NDUFAF6: variants seen among roughly 807,000 people sequenced by gnomAD.
The protein encoded by NDUFAF6 is NADH:ubiquinone oxidoreductase complex assembly factor 6.
A neutral mutation model predicts 40.8 loss-of-function variants in NDUFAF6; 45 were observed. The observed-to-expected ratio is 1.10, with a 90% CI of 0.87 to 1.42. NDUFAF6 has a LOEUF of 1.42. Ranked by LOEUF, NDUFAF6 falls within the 40% of genes most tolerant of loss-of-function variation. NDUFAF6 has a pLI of 0.00. For missense variants in NDUFAF6, 435 were observed against 418.5 expected (o/e 1.04, Z -0.34); for synonymous variants, 185 against 155.9 (o/e 1.19, Z -1.39).
intron 2 of NDUFAF6, among the ~76,000 whole-genome samples, chr8:94,995,090 A>G (rs1452155195): frequency 6.6e-6 from 1 of 152,236 alleles, no homozygotes; most frequent in Non-Finnish European, 1.5e-5. Context: ...GTCCATTGAC[A>G]GGTGAATGGA....
chr8:94,942,373 AACC>A (rs1319623318), intron 1 of NDUFAF6, among the ~76,000 whole-genome samples: 5 of 151,598 alleles, frequency 3.3e-5, no homozygotes, highest in Non-Finnish European at 7.4e-5. Flanking sequence ...CCCTCATCCC[AACC>A]ACCAAGTCCC....
At chr8:95,090,564 C>T (rs1946943) in intron 2 of NDUFAF6, among the ~76,000 whole-genome samples, 105,699 of 151,942 alleles carry the variant, frequency 0.7, 37,359 homozygotes, top group East Asian at 0.89. Context: ...AGTCATGGTT[C>T]GCCCATTTCC....
chr8:94,943,583 C>A (rs1264827097), intron 1 of NDUFAF6, among the ~76,000 whole-genome samples: 1 of 152,230 alleles, frequency 6.6e-6, no homozygotes, highest in Non-Finnish European at 1.5e-5. Flanking sequence ...AGCCTTGAAT[C>A]TACAACTTCA....
chr8:94,926,763 T>C (rs1002909077), intron 1 of NDUFAF6: 2 of 152,248 alleles, frequency 1.3e-5, no homozygotes, highest in African/African-American at 4.8e-5. Flanking sequence ...TTCCAGTACC[T>C]CTTTCTCCAC....
chr8:95,001,457 T>A (rs1826731400), intron 2 of NDUFAF6, among the ~76,000 whole-genome samples: 1 of 152,116 alleles, frequency 6.6e-6, no homozygotes, highest in Non-Finnish European at 1.5e-5. Context: ...GTGCCTCAAC[T>A]TGACATTGCC....
chr8:94,952,183 A>G (rs192811180), intron 2 of NDUFAF6, among the ~76,000 whole-genome samples: 2 of 152,372 alleles, frequency 1.3e-5, no homozygotes, highest in African/African-American at 2.4e-5. Context: ...GAAGACTCAC[A>G]GTGCAGGACC....
rs138579933 is a variant in NDUFAF6 at position 95,044,260 on chromosome 8, A to C, written c.478-1285A>C. On this transcript the variant is annotated intron_variant, in intron 4 of 8. Coordinates refer to ENST00000396124, the MANE Select transcript of NDUFAF6 (RefSeq NM_152416.4). ...GGGAAGTGTCTGCTTAATGGATGCA[A>C]CTTTTCTTTTGGGGGTCATTAAAAT... Among the ~76,000 whole-genome samples the C allele has an allele frequency of 3.8e-3, 580 of 152,126 alleles. 4 individuals carry two copies. The highest frequency in any genetic ancestry group is 6.3e-3 in the Non-Finnish European group (427 of 67,976).
chr8:95,080,830 G>A (rs900547558), downstream of NDUFAF6, among the ~76,000 whole-genome samples: 6 of 151,980 alleles, frequency 3.9e-5, no homozygotes, highest in Admixed American at 1.3e-4. Flanking sequence ...TTCTTTTCTT[G>A]GAGCAAGCTG....
At chr8:95,050,251 G>A (rs2131932403) in intron 7 of NDUFAF6, among the ~76,000 whole-genome samples, 1 of 152,286 alleles carries the variant, frequency 6.6e-6, no homozygotes, top group Non-Finnish European at 1.5e-5. Flanking sequence ...ATCTGGGATG[G>A]GGCCAGGAAT....
chr8:95,021,493 C>G (rs1827690358), upstream of NDUFAF6, among the ~76,000 whole-genome samples: 1 of 152,200 alleles, frequency 6.6e-6, no homozygotes, highest in Admixed American at 6.5e-5. Context: ...CCCAAGGCAA[C>G]AGACTATATT....
At chr8:94,944,098 G>A (rs1821787860) in intron 1 of NDUFAF6, among the ~76,000 whole-genome samples, 1 of 152,234 alleles carries the variant, frequency 6.6e-6, no homozygotes, top group Non-Finnish European at 1.5e-5. Flanking sequence ...TGTGGAGGCA[G>A]ATATTGGCCC....
chr8:95,051,921 A>G (rs1309514226), intron 7 of NDUFAF6, among the ~76,000 whole-genome samples: 1 of 152,206 alleles, frequency 6.6e-6, no homozygotes, highest in Non-Finnish European at 1.5e-5. Flanking sequence ...AGTCAAAATT[A>G]TTATGAGATA....
intron 1 of NDUFAF6, chr8:94,896,551 A>T (rs1817602762): frequency 6.6e-6 from 1 of 151,984 alleles, no homozygotes; most frequent in African/African-American, 2.4e-5. Context: ...GGGAACAAAG[A>T]TCCCCCGGGT....
intron 2 of NDUFAF6, among the ~76,000 whole-genome samples, chr8:94,952,063 G>C (rs1442642804): frequency 6.6e-6 from 1 of 152,212 alleles, no homozygotes; most frequent in Non-Finnish European, 1.5e-5. Flanking sequence ...CCCCTGCTGT[G>C]GGGGTGACCC....
intron 2 of NDUFAF6, among the ~76,000 whole-genome samples, chr8:95,012,667 T>C (rs11784178): frequency 4.7e-5 from 7 of 150,428 alleles, no homozygotes; most frequent in South Asian, 4.2e-4. Context: ...AATAAATAAA[T>C]AAACAAATAA....
At chr8:95,081,393 G>A (rs2945565) in intron 2 of NDUFAF6, among the ~76,000 whole-genome samples, 1 of 151,508 alleles carries the variant, frequency 6.6e-6, no homozygotes, top group Non-Finnish European at 1.5e-5. Context: ...TGGTCCCTAA[G>A]TCCTGACCTC....
At chr8:94,905,344 T>G (rs1345626641) in intron 1 of NDUFAF6, among the ~76,000 whole-genome samples, 2 of 152,114 alleles carry the variant, frequency 1.3e-5, no homozygotes, top group African/African-American at 2.4e-5. Context: ...CATTTATTTT[T>G]TGACGGGTCG....
intron 1 of NDUFAF6, chr8:94,927,632 TGCA>T (rs1212542356): frequency 1.3e-5 from 2 of 152,140 alleles, no homozygotes; most frequent in Non-Finnish European, 2.9e-5. Context: ...CACCTTACAG[TGCA>T]GTACACAATT....
In NDUFAF6 at chr8:94,912,223, A is replaced by G. The variant is rs371537184; in HGVS notation, c.-936+16296A>G. On this transcript the variant is annotated intron_variant, in intron 1 of 14. Coordinates refer to the NDUFAF6 transcript ENST00000396113. ...AGTGACAGACATTAGGAATTGTTCA[A>G]AAAGGATCTTAACCTGGAACAGTGG... Among the ~76,000 whole-genome samples, 2 of 152,330 alleles carry G rather than the reference A, an allele frequency of 1.3e-5. 1 individual carries two copies.
Sources: gnomAD v4.1 joint callset for allele counts (sites outside exome capture counted in the v4.1 genomes callset) on GRCh38, gnomAD v4.1.1 for gene constraint, MANE v1.5 for transcripts, NCBI Gene and HGNC (gene_info 2026-07-23, HGNC 2026-07-21) for gene names.